Variants in LMBR1 observed in about 807,000 individuals in gnomAD.
LMBR1 encodes the protein limb region 1 protein homolog.
LMBR1 carries 52 observed loss-of-function variants against 73.9 expected under a neutral mutation model. That is an observed-to-expected ratio of 0.70 (90% confidence interval 0.56 to 0.89). LMBR1 has a LOEUF of 0.89. LMBR1 is among the 40% of genes least tolerant of loss of function. The pLI is 0.00. For synonymous variants in LMBR1, 215 were observed against 209.4 expected, an observed-to-expected ratio of 1.03 and a Z score of -0.23; for missense variants, 539 against 579.8, an observed-to-expected ratio of 0.93 and a Z score of 0.72.
intron 4 of LMBR1, among the ~76,000 whole-genome samples, chr7:156,812,019 G>A (rs934345438): frequency 6.6e-6 from 1 of 152,124 alleles, no homozygotes; most frequent in Non-Finnish European, 1.5e-5. Flanking sequence ...TCTGCTTTAT[G>A]TTTTTAGGGG....
intron 1 of LMBR1, among the ~76,000 whole-genome samples, chr7:156,863,555 G>A (rs370197203): frequency 1.3e-4 from 19 of 151,942 alleles, no homozygotes; most frequent in Non-Finnish European, 2.8e-4. Context: ...TAATACACTC[G>A]GCAAGGTAAA....
At chr7:156,874,000 G>A (rs1283797140) in intron 1 of LMBR1, among the ~76,000 whole-genome samples, 4 of 152,264 alleles carry the variant, frequency 2.6e-5, no homozygotes, top group East Asian at 1.9e-4. Context: ...CGCGCCATGC[G>A]CTCGTACTCC....
chr7:156,867,162 A>C (rs1406099083), intron 1 of LMBR1, among the ~76,000 whole-genome samples: 1 of 152,254 alleles, frequency 6.6e-6, no homozygotes, highest in Non-Finnish European at 1.5e-5. Context: ...AGCACATGAA[A>C]AGATGCTCAA....
intron 5 of LMBR1, among the ~76,000 whole-genome samples, chr7:156,766,836 T>C (rs1231685585): frequency 1.3e-5 from 2 of 152,116 alleles, no homozygotes; most frequent in African/African-American, 4.8e-5. Flanking sequence ...CATGAAGGAA[T>C]GTCATCATGA....
At chr7:156,721,373 A>G (rs542909774) in intron 15 of LMBR1, among the ~76,000 whole-genome samples, 5 of 152,242 alleles carry the variant, frequency 3.3e-5, no homozygotes, top group African/African-American at 1.2e-4. Context: ...ACATATCAGC[A>G]ATCACACAGA....
chr7:156,734,034 A>C, intron 10 of LMBR1, 143 bp downstream of exon 10: 1 of 521,012 alleles, frequency 1.9e-6, no homozygotes. Context: ...CCAAACTGTA[A>C]GATAGTCTTT....
intron 15 of LMBR1, among the ~76,000 whole-genome samples, chr7:156,696,505 T>C (rs1042491955): frequency 2.5e-4 from 38 of 152,278 alleles, no homozygotes; most frequent in African/African-American, 9.1e-4. Context: ...ACAGGTTTAA[T>C]GGAATCACAG....
intron 3 of LMBR1, among the ~76,000 whole-genome samples, chr7:156,827,730 A>G (rs1264824960): frequency 6.6e-6 from 1 of 152,204 alleles, no homozygotes; most frequent in Non-Finnish European, 1.5e-5. Flanking sequence ...GGAAAAAAAA[A>G]TACTAAATAC....
intron 1 of LMBR1, among the ~76,000 whole-genome samples, chr7:156,856,242 A>T (rs1796959296): frequency 6.6e-6 from 1 of 152,190 alleles, no homozygotes; most frequent in Admixed American, 6.5e-5. Flanking sequence ...AGATAGATAG[A>T]TAGAATTTGT....
At chr7:156,708,110 A>C (rs7781799) in intron 15 of LMBR1, among the ~76,000 whole-genome samples, 4,008 of 152,228 alleles carry the variant, frequency 0.026, 179 homozygotes, top group African/African-American at 0.092. Context: ...CCAGAAAAAA[A>C]AAATTGGAGG....
Position 156,806,598 on chromosome 7 carries a change from C to CTTTTTTTTTTT in LMBR1, c.320-10117_320-10107dup, listed in dbSNP as rs71189962. 4.5e-5 allele frequency among the ~76,000 whole-genome samples: 2 copies of CTTTTTTTTTTT among 44,674 alleles called. 1 individual carries two copies. The highest frequency in any genetic ancestry group is 2.0e-4 in the African/African-American group (2 of 9,872). The allele number at this position is 44,674 out of a possible 152,430, so 29.3% of individuals were successfully genotyped here. On this transcript the variant is annotated intron_variant, in intron 4 of 16. Transcript: ENST00000353442. The stretch of plus-strand genomic sequence containing the variant: ...GTTATCAGTAGGTTTTTTGTAGATG[C>CTTTTTTTTTTT]TTTTTTTTTTTTTTTTTTTTTTTTT...
At chr7:156,880,904 C>T (rs1800986497) in intron 1 of LMBR1, among the ~76,000 whole-genome samples, 1 of 152,144 alleles carries the variant, frequency 6.6e-6, no homozygotes, top group South Asian at 2.1e-4. Context: ...CCACCCGCCT[C>T]GGCTTCCCAA....
intron 5 of LMBR1, among the ~76,000 whole-genome samples, chr7:156,773,566 C>T (rs1201119217): frequency 6.6e-6 from 1 of 152,086 alleles, no homozygotes; most frequent in African/African-American, 2.4e-5. Context: ...ACCATCTGAA[C>T]GTCAACAAAG....
intron 9 of LMBR1, among the ~76,000 whole-genome samples, chr7:156,743,023 A>G (rs1819193679): frequency 6.6e-6 from 1 of 152,212 alleles, no homozygotes; most frequent in Non-Finnish European, 1.5e-5. Flanking sequence ...TGATACTGAA[A>G]AGCATTTGAT....
At chr7:156,846,949 C>G (rs1795569698) in intron 1 of LMBR1, among the ~76,000 whole-genome samples, 1 of 151,950 alleles carries the variant, frequency 6.6e-6, no homozygotes, top group African/African-American at 2.4e-5. Context: ...ACACTATACC[C>G]CATAAACATA....
At chr7:156,818,458 G>GA (rs1281505142) in intron 4 of LMBR1, among the ~76,000 whole-genome samples, 3 of 152,058 alleles carry the variant, frequency 2.0e-5, no homozygotes, top group Admixed American at 6.6e-5. Context: ...CCCCACTGGG[G>GA]AAAAATCACT....
chr7:156,795,704 C>T (rs1585842930), intron 5 of LMBR1, among the ~76,000 whole-genome samples: 1 of 152,214 alleles, frequency 6.6e-6, no homozygotes, highest in Admixed American at 6.5e-5. Context: ...AGGTACCCAT[C>T]GCCACACCCA....
In LMBR1 at chr7:156,756,440, A is replaced by G. The variant is rs1489308734; in HGVS notation, c.710T>C (p.Ile237Thr). ...TTCTTCCTCTAAGGTAATGATATAA[A>G]TTTGTTCATCCAGGTCTTCAAGAAT... ...PTILEDLDEQIYIITLEEEAL... is the reference protein window; with the variant it reads ...PTILEDLDEQTYIITLEEEAL... The change falls in exon 9 of 17, where the codon ATT (isoleucine) becomes ACT (threonine). Residue 237 changes from isoleucine (I) to threonine (T), a missense_variant. Transcript: ENST00000353442. The G allele has an allele frequency of 2.0e-6, 3 of 1,508,128 alleles. No homozygotes were observed. The highest frequency in any genetic ancestry group is 9.1e-7 in the Non-Finnish European group (1 of 1,093,232). The allele number at this position is 1,508,128 out of a possible 1,614,324, so 93.4% of individuals were successfully genotyped here. A position where few individuals can be genotyped will look rare whatever the true frequency, so the allele number is the denominator to read the frequency against.
chr7:156,778,977 C>A (rs1252139920), intron 5 of LMBR1, among the ~76,000 whole-genome samples: 1 of 152,106 alleles, frequency 6.6e-6, no homozygotes, highest in Non-Finnish European at 1.5e-5. Flanking sequence ...AAAAGATGTA[C>A]CAGATGTCAG....
Sources: gnomAD v4.1 joint callset for allele counts (sites outside exome capture counted in the v4.1 genomes callset) on GRCh38, gnomAD v4.1.1 for gene constraint, MANE v1.5 for transcripts, NCBI Gene and HGNC (gene_info 2026-07-23, HGNC 2026-07-21) for gene names.